The following CLMP variants were observed in gnomAD, a reference collection of about 807,000 sequenced individuals.
CLMP encodes CXADR-like membrane protein.
A neutral mutation model predicts 45.2 loss-of-function variants in CLMP; 27 were observed. That is an observed-to-expected ratio of 0.60 (90% CI 0.44 to 0.82). The LOEUF (loss-of-function observed/expected upper bound fraction) is 0.82. Ranked by LOEUF, CLMP falls within the 40% of genes least tolerant of loss-of-function variation. The probability of loss-of-function intolerance (pLI) is 0.00; values close to 1 mark genes in which losing one functional copy is unlikely to be tolerated. For missense variants in CLMP, 403 were observed against 448.4 expected, an observed-to-expected ratio of 0.90 and a Z score of 0.91; for synonymous variants, 167 against 171.4, an observed-to-expected ratio of 0.97 and a Z score of 0.20.
chr11:123,089,030 C>A (rs1195204567), intron 2 of CLMP, among the ~76,000 whole-genome samples: 1 of 152,218 alleles, frequency 6.6e-6, no homozygotes, highest in East Asian at 1.9e-4. Flanking sequence ...TAGAGTCAGG[C>A]TGCTTTGGAC....
chr11:123,106,904 C>CA (rs1860567542), intron 1 of CLMP, among the ~76,000 whole-genome samples: 1 of 151,768 alleles, frequency 6.6e-6, no homozygotes, highest in Non-Finnish European at 1.5e-5. Flanking sequence ...CCTGTAGTCC[C>CA]AGCTACTCGG....
intron 2 of CLMP, among the ~76,000 whole-genome samples, chr11:123,088,646 A>G (rs769925085): frequency 2.6e-5 from 4 of 151,902 alleles, no homozygotes; most frequent in Non-Finnish European, 5.9e-5. Context: ...TATTTTTGAG[A>G]TGGAGTTTCA....
intron 1 of CLMP, among the ~76,000 whole-genome samples, chr11:123,123,259 CTT>C (rs11458946): frequency 9.4e-5 from 11 of 117,638 alleles, no homozygotes; most frequent in African/African-American, 2.0e-4. Flanking sequence ...TCTTTCTTTC[CTT>C]TTTTTTTTTT....
Position 123,070,474 on chromosome 11 carries a change from A to T in CLMP, c.*3000T>A, listed in dbSNP as rs1173888189. 6.6e-6 allele frequency: 1 copy of T among 152,248 alleles called. No homozygotes were observed. The highest frequency in any genetic ancestry group is 1.5e-5 in the Non-Finnish European group (1 of 68,054). 9.4% of individuals were successfully genotyped at this position (152,248 alleles called of 1,614,324 possible). A position where few individuals can be genotyped will look rare whatever the true frequency, so the allele number is the denominator to read the frequency against. On this transcript the variant is annotated 3_prime_UTR_variant, in exon 7 of 7. Transcript: ENST00000448775. ...GATAGATTTCCAAAATAATTTGGGT[A>T]ATCAACTGGTATTTTAGCATTCTGG...
At chr11:123,187,872 T>C (rs1459134452) in intron 1 of CLMP, among the ~76,000 whole-genome samples, 1 of 152,140 alleles carries the variant, frequency 6.6e-6, no homozygotes, top group East Asian at 1.9e-4. Context: ...CTGACGCTGA[T>C]GGGTGATCCA....
intron 1 of CLMP, among the ~76,000 whole-genome samples, chr11:123,100,479 T>C (rs901697495): frequency 6.6e-6 from 1 of 151,546 alleles, no homozygotes; most frequent in Non-Finnish European, 1.5e-5. Context: ...GTACGATGTG[T>C]TTTATTTGGG....
intron 1 of CLMP, among the ~76,000 whole-genome samples, chr11:123,155,158 T>C (rs1407801866): frequency 6.6e-6 from 1 of 152,142 alleles, no homozygotes; most frequent in East Asian, 1.9e-4. Flanking sequence ...CCAGCTAACT[T>C]TAAAATTTGT....
chr11:123,145,107 T>C (rs1300303126), intron 1 of CLMP, among the ~76,000 whole-genome samples: 1 of 152,214 alleles, frequency 6.6e-6, no homozygotes, highest in Non-Finnish European at 1.5e-5. Context: ...TGAAATAATA[T>C]TTTATATATT....
At chr11:123,158,380 G>A (rs1370196818) in intron 1 of CLMP, among the ~76,000 whole-genome samples, 5 of 152,216 alleles carry the variant, frequency 3.3e-5, no homozygotes, top group African/African-American at 1.2e-4. Flanking sequence ...TTAATGGCTA[G>A]AACAGTGGTG....
intron 2 of CLMP, among the ~76,000 whole-genome samples, chr11:123,091,147 C>G (rs1222719180): frequency 1.3e-5 from 2 of 152,108 alleles, no homozygotes; most frequent in African/African-American, 4.8e-5. Flanking sequence ...TTCTGTCACC[C>G]AGGCTGGAGT....
At chr11:123,139,510 G>A (rs1274389121) in intron 1 of CLMP, among the ~76,000 whole-genome samples, 3 of 152,240 alleles carry the variant, frequency 2.0e-5, no homozygotes, top group South Asian at 2.1e-4. Context: ...AGCTTCAGTG[G>A]TAACATTTTA....
intron 1 of CLMP, among the ~76,000 whole-genome samples, chr11:123,146,283 A>G (rs918966723): frequency 1.3e-5 from 2 of 152,120 alleles, no homozygotes; most frequent in Non-Finnish European, 2.9e-5. Flanking sequence ...CTGTAATCCC[A>G]GCATTTTGGG....
At chr11:123,077,676 TC>T (rs1865756516) in intron 5 of CLMP, among the ~76,000 whole-genome samples, 1 of 152,224 alleles carries the variant, frequency 6.6e-6, no homozygotes, top group African/African-American at 2.4e-5. Flanking sequence ...ATTTAAGGTC[TC>T]AAAGGAATGG....
intron 5 of CLMP, among the ~76,000 whole-genome samples, chr11:123,082,475 A>G (rs11825955): frequency 0.025 from 3,739 of 151,622 alleles, 184 homozygotes; most frequent in East Asian, 0.19. Flanking sequence ...CACCTGGCTC[A>G]TTTTTTGTCT....
intron 1 of CLMP, among the ~76,000 whole-genome samples, chr11:123,119,910 C>T (rs974856911): frequency 6.6e-6 from 1 of 152,160 alleles, no homozygotes; most frequent in Non-Finnish European, 1.5e-5. Context: ...TGGTCTCGAA[C>T]TCCTGACCTC....
intron 1 of CLMP, among the ~76,000 whole-genome samples, chr11:123,173,897 T>C (rs1223416439): frequency 6.6e-6 from 1 of 151,806 alleles, no homozygotes; most frequent in Non-Finnish European, 1.5e-5. Flanking sequence ...GCCTGGGCAA[T>C]ATGGTGAAAT....
intron 5 of CLMP, among the ~76,000 whole-genome samples, chr11:123,077,884 A>G (rs957542094): frequency 1.3e-5 from 2 of 152,118 alleles, no homozygotes; most frequent in Non-Finnish European, 2.9e-5. Flanking sequence ...AGGCAGGTGG[A>G]TCACTTGATG....
intron 1 of CLMP, among the ~76,000 whole-genome samples, chr11:123,159,859 G>C (rs1339544882): frequency 5.3e-5 from 8 of 152,060 alleles, no homozygotes; most frequent in Non-Finnish European, 1.2e-4. Flanking sequence ...AATTTTTTTG[G>C]TTTACATCTA....
intron 1 of CLMP, among the ~76,000 whole-genome samples, chr11:123,119,234 C>G (rs749454775): frequency 1.3e-5 from 2 of 151,816 alleles, no homozygotes; most frequent in Non-Finnish European, 2.9e-5. Context: ...CAGGCACGCG[C>G]CACCACACCC....
Sources: allele counts gnomAD v4.1 joint callset (sites outside exome capture counted in the v4.1 genomes callset), GRCh38; gene constraint gnomAD v4.1.1; transcripts MANE v1.5; gene names NCBI Gene and HGNC (gene_info 2026-07-23, HGNC 2026-07-21).